The following MRPS6 variants were observed in gnomAD, a reference collection of about 807,000 sequenced individuals.
MRPS6 encodes small ribosomal subunit protein bS6m.
In MRPS6, 6 loss-of-function variants were observed where a neutral mutation model predicts 13.1. The ratio of observed to expected loss-of-function variants is 0.46; its 90% CI spans 0.25 to 0.91. The LOEUF (loss-of-function observed/expected upper bound fraction) is 0.91. Ranked by LOEUF, MRPS6 falls within the 40% of genes least tolerant of loss-of-function variation. The pLI, the probability that MRPS6 is intolerant of heterozygous loss-of-function variation, is 0.18. For synonymous variants in MRPS6, 61 were observed against 56.5 expected (o/e 1.08, Z -0.36); for missense variants, 164 against 155.6 (o/e 1.05, Z -0.29).
chr21:34,095,207 T>A (rs777708245), intron 1 of MRPS6: 2 of 1,598,532 alleles, frequency 1.3e-6, no homozygotes, highest in East Asian at 2.2e-5. Flanking sequence ...GAATGAGAGC[T>A]GTACTGGACA....
chr21:34,130,114 T>TCCCCCATCCCCCC (rs1406416824), intron 2 of MRPS6, among the ~76,000 whole-genome samples: 4 of 143,478 alleles, frequency 2.8e-5, no homozygotes, highest in African/African-American at 7.5e-5. Flanking sequence ...CCCATCCCCC[T>TCCCCCATCCCCCC]CCCCCATCCC....
chr21:34,091,517 T>C (rs1349516869), intron 1 of MRPS6, among the ~76,000 whole-genome samples: 2 of 152,212 alleles, frequency 1.3e-5, no homozygotes, highest in Non-Finnish European at 2.9e-5. Context: ...CATGGTTATA[T>C]CACCTGAAGG....
chr21:34,075,608 G>GC (rs1989310322), intron 1 of MRPS6, among the ~76,000 whole-genome samples: 1 of 152,190 alleles, frequency 6.6e-6, no homozygotes, highest in African/African-American at 2.4e-5. Context: ...GGAGAAAGAG[G>GC]CCCCATGGCA....
chr21:34,102,744 G>C, intron 1 of MRPS6: 5 of 1,000,154 alleles, frequency 5.0e-6, no homozygotes, highest in Non-Finnish European at 6.0e-6. Context: ...ATTTTTCGTA[G>C]TGTGGGAACA....
At chr21:34,121,438 A>T (rs1373754013) in intron 1 of MRPS6, among the ~76,000 whole-genome samples, 1 of 152,190 alleles carries the variant, frequency 6.6e-6, no homozygotes, top group Non-Finnish European at 1.5e-5. Context: ...ATGAGCTAGG[A>T]CTAGAATCAT....
At chr21:34,075,227 C>T (rs915751613) in intron 1 of MRPS6, among the ~76,000 whole-genome samples, 2 of 152,096 alleles carry the variant, frequency 1.3e-5, no homozygotes, top group Non-Finnish European at 2.9e-5. Flanking sequence ...GTTTACTTTC[C>T]TTGTCTTGGG....
chr21:34,104,644 A>G, intron 1 of MRPS6: 1 of 1,000,290 alleles, frequency 1.0e-6, no homozygotes, highest in Non-Finnish European at 1.2e-6. Flanking sequence ...GCAAAAAGCT[A>G]GCCAGGAATG....
intron 1 of MRPS6, chr21:34,104,366 C>T (rs567070814): frequency 1.0e-6 from 1 of 1,000,114 alleles, no homozygotes; most frequent in Admixed American, 6.1e-5. Context: ...CCCTTTTCCA[C>T]CTCCTCACTT....
chr21:34,078,602 T>C (rs933576025), intron 1 of MRPS6, among the ~76,000 whole-genome samples: 31 of 152,284 alleles, frequency 2.0e-4, no homozygotes, highest in African/African-American at 7.0e-4. Flanking sequence ...GATTATAAAA[T>C]CAGTTTCAAA....
At position 34,073,704 on chromosome 21, in the gene MRPS6, C is replaced by G. The variant is rs1029817235; in HGVS notation, c.4C>G (p.Pro2Ala). ...CGCACTCGCCGATCCTCCAGGCATGCCCCGCTACGAGCTGGCTTTAATCCT... is the reference window on the plus strand; with the variant it reads ...CGCACTCGCCGATCCTCCAGGCATGGCCCGCTACGAGCTGGCTTTAATCCT... The part of the protein sequence containing the change: M[P>A]RYELALILKA... The change falls in exon 1 of 3, where the codon CCC (proline) becomes GCC (alanine). Residue 2 changes from proline (P) to alanine (A), a missense_variant. Pro to Ala is a conservative substitution (Grantham distance 27, BLOSUM62 -1). Transcript: ENST00000399312. 12 of 1,525,616 alleles carry G rather than the reference C, an allele frequency of 7.9e-6. No homozygotes were observed. The African/African-American group carries it at 1.3e-4, about 17-fold the overall frequency. 94.5% of individuals were successfully genotyped at this position (1,525,616 alleles called of 1,614,324 possible).
intron 1 of MRPS6, among the ~76,000 whole-genome samples, chr21:34,116,678 G>A (rs1979926959): frequency 6.6e-6 from 1 of 152,092 alleles, no homozygotes; most frequent in South Asian, 2.1e-4. Context: ...TTGACTGCCT[G>A]GCTCTAGTGG....
At chr21:34,114,732 A>G (rs535025632) in intron 1 of MRPS6, among the ~76,000 whole-genome samples, 71 of 152,310 alleles carry the variant, frequency 4.7e-4, no homozygotes, top group African/African-American at 1.6e-3. Flanking sequence ...ATATTCTTTG[A>G]TTTGAAACCT....
chr21:34,074,159 C>T (rs1989262410), intron 1 of MRPS6, among the ~76,000 whole-genome samples: 1 of 149,260 alleles, frequency 6.7e-6, no homozygotes, highest in Non-Finnish European at 1.5e-5. Context: ...TCGTCGCCGG[C>T]CCCGCCGCCG....
At chr21:34,134,372 G>A (rs1481114896) in intron 2 of MRPS6, among the ~76,000 whole-genome samples, 4 of 152,080 alleles carry the variant, frequency 2.6e-5, no homozygotes, top group African/African-American at 7.2e-5. Context: ...TTTTTATTTC[G>A]TTGCTTAAGG....
intron 1 of MRPS6, among the ~76,000 whole-genome samples, chr21:34,083,297 T>C (rs563814139): frequency 4.4e-4 from 67 of 152,358 alleles, no homozygotes; most frequent in Non-Finnish European, 6.6e-4. Flanking sequence ...GTGTCGTCTT[T>C]GCTTCCGTTA....
intron 2 of MRPS6, among the ~76,000 whole-genome samples, chr21:34,125,924 C>T (rs1980288851): frequency 6.6e-6 from 1 of 152,166 alleles, no homozygotes; most frequent in South Asian, 2.1e-4. Flanking sequence ...AATGGTAATA[C>T]CTACTCCAAG....
rs188205227 is a variant in MRPS6 at position 34,084,801 on chromosome 21, T to G, written c.45+11056T>G. On this transcript the variant is annotated intron_variant, in intron 1 of 2. Transcript: ENST00000399312. ...ACCTCTGTTTTCTTTATCTTAAAATTTTTTTCATTAATTTCCCTTGGCTAA... is the reference window on the plus strand; with the variant it reads ...ACCTCTGTTTTCTTTATCTTAAAATGTTTTTCATTAATTTCCCTTGGCTAA... 4.0e-3 allele frequency among the ~76,000 whole-genome samples: 612 copies of G among 152,320 alleles called. 2 individuals carry two copies. The highest frequency in any genetic ancestry group is 0.014 in the African/African-American group (590 of 41,560).
intron 2 of MRPS6, among the ~76,000 whole-genome samples, chr21:34,128,903 A>G (rs541811507): frequency 6.6e-6 from 1 of 152,322 alleles, no homozygotes; most frequent in African/African-American, 2.4e-5. Flanking sequence ...TGTTAACACT[A>G]AATAAATCAT....
intron 1 of MRPS6, among the ~76,000 whole-genome samples, chr21:34,119,701 T>G (rs1980054013): frequency 6.6e-6 from 1 of 152,200 alleles, no homozygotes; most frequent in Non-Finnish European, 1.5e-5. Flanking sequence ...GCCACTGGCT[T>G]AAAACTGTCT....
Sources: gnomAD v4.1 joint callset for allele counts (sites outside exome capture counted in the v4.1 genomes callset) on GRCh38, gnomAD v4.1.1 for gene constraint, MANE v1.5 for transcripts, NCBI Gene and HGNC (gene_info 2026-07-23, HGNC 2026-07-21) for gene names.